Variants in CAMKMT observed in about 807,000 individuals in gnomAD.
The protein encoded by CAMKMT is CaM KMT.
In CAMKMT, 53 loss-of-function variants were observed where a neutral mutation model predicts 48.0. That is an observed-to-expected ratio of 1.10 (90% CI 0.89 to 1.39). The LOEUF is 1.39. Among genes scored for constraint, CAMKMT ranks in the 40% most tolerant of loss-of-function variants. CAMKMT has a pLI of 0.00. For synonymous variants in CAMKMT, 165 were observed against 152.3 expected (o/e 1.08, Z -0.61); for missense variants, 428 against 402.7 (o/e 1.06, Z -0.54).
chr2:44,699,341 T>C (rs1365794346), intron 3 of CAMKMT, among the ~76,000 whole-genome samples: 1 of 152,228 alleles, frequency 6.6e-6, no homozygotes, highest in African/African-American at 2.4e-5. Flanking sequence ...GACTACAGAA[T>C]GGATGCTGTG....
chr2:44,541,359 T>C (rs1011910210), intron 3 of CAMKMT, among the ~76,000 whole-genome samples: 1 of 152,226 alleles, frequency 6.6e-6, no homozygotes, highest in African/African-American at 2.4e-5. Flanking sequence ...TGTTCAAGTC[T>C]ACTCTTGGGG....
intron 3 of CAMKMT, among the ~76,000 whole-genome samples, chr2:44,530,102 T>G (rs1666400935): frequency 6.6e-6 from 1 of 152,186 alleles, no homozygotes; most frequent in African/African-American, 2.4e-5. Flanking sequence ...CTAGAACAGC[T>G]CACTTCAATG....
At chr2:44,605,766 G>C (rs573163768) in intron 3 of CAMKMT, among the ~76,000 whole-genome samples, 1 of 152,130 alleles carries the variant, frequency 6.6e-6, no homozygotes, top group South Asian at 2.1e-4. Context: ...TATCTTGCTT[G>C]TCCTAATTCC....
At chr2:44,481,714 G>T (rs546393661) in intron 3 of CAMKMT, among the ~76,000 whole-genome samples, 16 of 152,086 alleles carry the variant, frequency 1.1e-4, no homozygotes, top group Non-Finnish European at 1.8e-4. Flanking sequence ...TTTATGTTTT[G>T]TAAGTAAAAT....
chr2:44,545,631 T>C (rs1263298297), intron 3 of CAMKMT, among the ~76,000 whole-genome samples: 9 of 151,466 alleles, frequency 5.9e-5, no homozygotes, highest in African/African-American at 2.2e-4. Context: ...ACAAGATAAG[T>C]GGCAGAGTAA....
chr2:44,362,567 C>T (rs970706200), intron 1 of CAMKMT, among the ~76,000 whole-genome samples: 2 of 152,208 alleles, frequency 1.3e-5, no homozygotes, highest in Non-Finnish European at 2.9e-5. Flanking sequence ...TCTGCACCCT[C>T]TGGCCCCGTC....
chr2:44,755,179 G>A (rs1248473223), intron 9 of CAMKMT, among the ~76,000 whole-genome samples: 3 of 152,128 alleles, frequency 2.0e-5, no homozygotes, highest in African/African-American at 7.2e-5. Flanking sequence ...TAAAACAGGT[G>A]TCTTGGAGGA....
chr2:44,724,835 G>T (rs530822412), intron 7 of CAMKMT, among the ~76,000 whole-genome samples: 1 of 152,126 alleles, frequency 6.6e-6, no homozygotes, highest in Non-Finnish European at 1.5e-5. Context: ...ATCGGAGGTG[G>T]ACAGGCCTGA....
intron 3 of CAMKMT, among the ~76,000 whole-genome samples, chr2:44,395,985 CTT>C (rs1175507874): frequency 6.6e-6 from 1 of 151,918 alleles, no homozygotes; most frequent in Non-Finnish European, 1.5e-5. Flanking sequence ...ATATATGTGA[CTT>C]AACATATGAT....
chr2:44,574,378 A>G (rs1430904543), intron 3 of CAMKMT, among the ~76,000 whole-genome samples: 1 of 152,220 alleles, frequency 6.6e-6, no homozygotes, highest in South Asian at 2.1e-4. Context: ...TGCGGCCCCT[A>G]ATTATCTGAT....
In CAMKMT at chr2:44,482,409, A is replaced by G. The variant is rs200740215; in HGVS notation, c.376+92104A>G. Among the ~76,000 whole-genome samples the G allele has an allele frequency of 9.9e-5, 15 of 152,262 alleles. No homozygotes were observed. In the South Asian group the frequency reaches 1.4e-3, roughly 15 times the overall value. On this transcript the variant is annotated intron_variant, in intron 3 of 10. Coordinates refer to ENST00000378494, the MANE Select transcript of CAMKMT (RefSeq NM_024766.5). The stretch of plus-strand genomic sequence containing the variant: ...TCTATTGGAATCTTTAGTGTGAATG[A>G]TTATCATTGTGAGCATCTATTGCTA...
chr2:44,653,027 C>T lies in CAMKMT; in HGVS notation c.377-51256C>T, dbSNP rs1674175778. On this transcript the variant is annotated intron_variant, in intron 3 of 10. Coordinates refer to ENST00000378494, the MANE Select transcript of CAMKMT (RefSeq NM_024766.5). The surrounding 1 kb of genome is among the most constrained non-coding windows in gnomAD (Gnocchi z 5.2). The stretch of plus-strand genomic sequence containing the variant: ...AACCTTTTCTATTACCTCTATCAAC[C>T]CTCCCTTTAAGCTTATTCTGTGCAC... Among the ~76,000 whole-genome samples the T allele has an allele frequency of 6.6e-6, 1 of 152,112 alleles. No individual in the cohort carries two copies. Among genetic ancestry groups the T allele is most frequent in the Non-Finnish European group, 1.5e-5 (1 of 68,034 alleles).
intron 3 of CAMKMT, among the ~76,000 whole-genome samples, chr2:44,480,592 A>G (rs1279822581): frequency 6.6e-6 from 1 of 152,232 alleles, no homozygotes; most frequent in Non-Finnish European, 1.5e-5. Flanking sequence ...ACTCAAATTA[A>G]TATGAAAATC....
intron 3 of CAMKMT, among the ~76,000 whole-genome samples, chr2:44,690,930 C>T (rs926049721): frequency 3.3e-5 from 5 of 152,002 alleles, no homozygotes; most frequent in East Asian, 3.9e-4. Flanking sequence ...GAGCCGAGAT[C>T]GCCCCACTGC....
chr2:44,438,683 G>C (rs923895401), intron 3 of CAMKMT, among the ~76,000 whole-genome samples: 3 of 152,074 alleles, frequency 2.0e-5, no homozygotes, highest in South Asian at 4.1e-4. Flanking sequence ...CTACTCAGGT[G>C]TGTGTTTTTT....
intron 7 of CAMKMT, among the ~76,000 whole-genome samples, chr2:44,725,696 G>A (rs1234016393): frequency 6.6e-6 from 1 of 152,198 alleles, no homozygotes; most frequent in African/African-American, 2.4e-5. Context: ...GATGTGTCCA[G>A]CCAGATTTAG....
intron 3 of CAMKMT, among the ~76,000 whole-genome samples, chr2:44,410,412 C>A (rs1420956502): frequency 6.7e-6 from 1 of 149,742 alleles, no homozygotes; most frequent in Non-Finnish European, 1.5e-5. Context: ...TGCCCGCCAC[C>A]TCGCCCAGCT....
intron 3 of CAMKMT, among the ~76,000 whole-genome samples, chr2:44,486,854 T>G (rs1669241409): frequency 6.6e-6 from 1 of 152,240 alleles, no homozygotes. Flanking sequence ...ATTGTCTGTG[T>G]TGTTTATAAT....
At chr2:44,528,385 A>G (rs1486507365) in intron 3 of CAMKMT, among the ~76,000 whole-genome samples, 1 of 152,164 alleles carries the variant, frequency 6.6e-6, no homozygotes, top group Admixed American at 6.5e-5. Flanking sequence ...TCCATTCCCC[A>G]GTTACCAACA....
Sources: allele counts gnomAD v4.1 joint callset (sites outside exome capture counted in the v4.1 genomes callset), GRCh38; gene constraint gnomAD v4.1.1; non-coding constraint Gnocchi (gnomAD v3.1); transcripts MANE v1.5; gene names NCBI Gene and HGNC (gene_info 2026-07-23, HGNC 2026-07-21).